LRP1B: variants seen among roughly 807,000 people sequenced by gnomAD.
LRP1B encodes the protein LDL receptor related protein 1B.
In LRP1B, 217 loss-of-function variants were observed where a neutral mutation model predicts 556.6. The observed-to-expected ratio is 0.39, with a 90% CI of 0.35 to 0.44. LRP1B has a LOEUF of 0.44. LRP1B is among the 20% of genes least tolerant of loss of function. LRP1B has a pLI of 1.00. For synonymous variants in LRP1B, 2,047 were observed against 1,865.8 expected, an observed-to-expected ratio of 1.10 and a Z score of -2.50; for missense variants, 5,053 against 5,620.8, an observed-to-expected ratio of 0.90 and a Z score of 3.23.
chr2:141,434,659 A>T (rs1680688028), intron 3 of LRP1B, among the ~76,000 whole-genome samples: 1 of 152,046 alleles, frequency 6.6e-6, no homozygotes, highest in Non-Finnish European at 1.5e-5. Context: ...TGTTTGTTGT[A>T]TGCCTCATAA....
At chr2:141,130,712 C>A (rs768698877) in intron 7 of LRP1B, among the ~76,000 whole-genome samples, 1 of 151,948 alleles carries the variant, frequency 6.6e-6, no homozygotes, top group African/African-American at 2.4e-5. Flanking sequence ...AATAGTAGTA[C>A]ACAATGGTTG....
chr2:140,392,932 CTTTTTT>C (rs34357201), intron 66 of LRP1B, among the ~76,000 whole-genome samples: 1 of 144,182 alleles, frequency 6.9e-6, no homozygotes, highest in Non-Finnish European at 1.5e-5. Context: ...TCATATATAA[CTTTTTT>C]TTTTTTTCAG....
chr2:141,787,132 C>T (rs932813277), intron 2 of LRP1B, among the ~76,000 whole-genome samples: 2 of 152,042 alleles, frequency 1.3e-5, no homozygotes, highest in South Asian at 2.1e-4. Context: ...AACTCTCACA[C>T]ATTGCTAGTA....
At chr2:141,671,550 AGGGT>A (rs1271928769) in intron 2 of LRP1B, among the ~76,000 whole-genome samples, 2 of 152,150 alleles carry the variant, frequency 1.3e-5, no homozygotes, top group Admixed American at 1.3e-4. Flanking sequence ...ACAATGGCTA[AGGGT>A]GGGGATTGGG....
intron 7 of LRP1B, among the ~76,000 whole-genome samples, chr2:141,127,704 C>A (rs904419442): frequency 6.6e-6 from 1 of 152,192 alleles, no homozygotes; most frequent in Non-Finnish European, 1.5e-5. Context: ...TAAATACATC[C>A]TCAACTTCTC....
chr2:141,285,991 CG>C (rs1685705239), intron 3 of LRP1B, among the ~76,000 whole-genome samples: 2 of 132,682 alleles, frequency 1.5e-5, no homozygotes, highest in Non-Finnish European at 3.1e-5. Context: ...GGCGTGAACC[CG>C]GGAGGCGGAG....
At chr2:141,821,285 T>C (rs1355906602) in intron 1 of LRP1B, among the ~76,000 whole-genome samples, 1 of 152,214 alleles carries the variant, frequency 6.6e-6, no homozygotes, top group Non-Finnish European at 1.5e-5. Flanking sequence ...AATTTCCCAG[T>C]TTCATGTCAC....
chr2:140,587,684 T>G (rs1682041701), intron 43 of LRP1B, among the ~76,000 whole-genome samples: 1 of 152,208 alleles, frequency 6.6e-6, no homozygotes, highest in Non-Finnish European at 1.5e-5. Context: ...ATGGGTGTTA[T>G]GATTAACATG....
At chr2:141,508,091 C>CA (rs1553523423) in intron 2 of LRP1B, among the ~76,000 whole-genome samples, 20 of 148,646 alleles carry the variant, frequency 1.3e-4, no homozygotes, top group South Asian at 4.3e-4. Context: ...ATCCCCCCCC[C>CA]AAAAAAAAAG....
chr2:140,680,286 C>A (rs995860098), intron 41 of LRP1B, among the ~76,000 whole-genome samples: 1 of 152,032 alleles, frequency 6.6e-6, no homozygotes, highest in African/African-American at 2.4e-5. Flanking sequence ...ATACGTGCAC[C>A]GGAGAAAAAC....
At chr2:141,951,400 A>G (rs965367786) in intron 1 of LRP1B, among the ~76,000 whole-genome samples, 1 of 152,138 alleles carries the variant, frequency 6.6e-6, no homozygotes, top group Non-Finnish European at 1.5e-5. Flanking sequence ...TTGCATCCTC[A>G]TAGCTCAGCT....
intron 6 of LRP1B, among the ~76,000 whole-genome samples, chr2:141,210,250 GA>G (rs11370397): frequency 1.0e-4 from 15 of 148,928 alleles, no homozygotes; most frequent in African/African-American, 2.7e-4. Context: ...GGAAATATAA[GA>G]AAAAAAAATG....
intron 1 of LRP1B, among the ~76,000 whole-genome samples, chr2:141,889,265 G>A (rs188703424): frequency 6.6e-6 from 1 of 152,096 alleles, no homozygotes; most frequent in Admixed American, 6.6e-5. Flanking sequence ...CCTCAGAGGA[G>A]ATAAATATTA....
At chr2:141,913,913 A>AT (rs1378860707) in intron 1 of LRP1B, among the ~76,000 whole-genome samples, 33 of 152,008 alleles carry the variant, frequency 2.2e-4, no homozygotes, top group African/African-American at 8.0e-4. Flanking sequence ...CACCCAGGTA[A>AT]TTTTTTGTAT....
At chr2:141,456,030 A>T (rs1681616755) in intron 3 of LRP1B, among the ~76,000 whole-genome samples, 1 of 152,162 alleles carries the variant, frequency 6.6e-6, no homozygotes, top group Admixed American at 6.5e-5. Flanking sequence ...GGAAGCAGTG[A>T]CTGGAAAGAA....
At chr2:140,843,910 A>G (rs1365613260) in intron 29 of LRP1B, among the ~76,000 whole-genome samples, 1 of 152,190 alleles carries the variant, frequency 6.6e-6, no homozygotes, top group Non-Finnish European at 1.5e-5. Flanking sequence ...TGCATACAAC[A>G]TTGCCTTCAA....
intron 41 of LRP1B, among the ~76,000 whole-genome samples, chr2:140,688,225 C>A (rs1390543920): frequency 6.6e-6 from 1 of 151,970 alleles, no homozygotes; most frequent in Non-Finnish European, 1.5e-5. Flanking sequence ...AAAAAAAAAT[C>A]AGCATTATTT....
At chr2:141,250,967 T>C (rs748263113) in intron 4 of LRP1B, among the ~76,000 whole-genome samples, 21 of 152,180 alleles carry the variant, frequency 1.4e-4, no homozygotes, top group Non-Finnish European at 2.4e-4. Flanking sequence ...ATTATTTGTG[T>C]GTTGTGATAT....
intron 3 of LRP1B, among the ~76,000 whole-genome samples, chr2:141,399,641 C>T (rs1291517648): frequency 6.6e-6 from 1 of 152,176 alleles, no homozygotes; most frequent in African/African-American, 2.4e-5. Flanking sequence ...GCAAGAAAGG[C>T]TGAAGCAATA....
Sources: allele counts gnomAD v4.1 joint callset (sites outside exome capture counted in the v4.1 genomes callset), GRCh38; gene constraint gnomAD v4.1.1; transcripts MANE v1.5; gene names NCBI Gene and HGNC (gene_info 2026-07-23, HGNC 2026-07-21).